The following TMEM45A variants were observed in gnomAD, a reference collection of about 807,000 sequenced individuals.
The protein encoded by TMEM45A is DNA polymerase-transactivated protein 4.
Under a neutral mutation model 32.0 loss-of-function variants are expected in TMEM45A, and 25 were observed. The observed-to-expected ratio is 0.78, with a 90% CI of 0.57 to 1.09. The LOEUF is 1.09. TMEM45A is among the 50% of genes least tolerant of loss of function. TMEM45A has a pLI of 0.00. For missense variants in TMEM45A, 302 were observed against 325.0 expected, an observed-to-expected ratio of 0.93 and a Z score of 0.54; for synonymous variants, 122 against 114.8, an observed-to-expected ratio of 1.06 and a Z score of -0.40.
intron 1 of TMEM45A, among the ~76,000 whole-genome samples, chr3:100,501,917 C>T (rs1708012809): frequency 6.6e-6 from 1 of 152,090 alleles, no homozygotes; most frequent in African/African-American, 2.4e-5. Context: ...AATTACATTT[C>T]AGTAAAAAAA....
chr3:100,547,657 A>G (rs959087488), intron 1 of TMEM45A, among the ~76,000 whole-genome samples: 2 of 152,046 alleles, frequency 1.3e-5, no homozygotes, highest in Admixed American at 6.6e-5. Flanking sequence ...ACCCATGTAT[A>G]AGTGAACCAA....
At chr3:100,535,440 C>G (rs1043461990) in intron 1 of TMEM45A, among the ~76,000 whole-genome samples, 1 of 152,110 alleles carries the variant, frequency 6.6e-6, no homozygotes, top group Non-Finnish European at 1.5e-5. Flanking sequence ...GTTGGCTTTT[C>G]CCCTCCACTC....
rs7431025 is a variant in TMEM45A at position 100,507,191 on chromosome 3, C to T, written c.-4+14263C>T. 1.1e-3 allele frequency among the ~76,000 whole-genome samples: 173 copies of T among 152,322 alleles called. 2 individuals are homozygous for T. In the East Asian group the frequency reaches 0.03, roughly 26 times the overall value. On this transcript the variant is annotated intron_variant, in intron 1 of 5. Transcript: ENST00000323523. ...TTCTCTCCCATGCCCCAAATTCAAC[C>T]TGACACTCTGTCATTAGGATGTCCC...
chr3:100,555,157 A>G, intron 1 of TMEM45A, 52 bp from the exon 2 acceptor site: 1 of 1,481,500 alleles, frequency 6.7e-7, no homozygotes, highest in Non-Finnish European at 9.2e-7. Flanking sequence ...TGTTTTGTCC[A>G]GATTCTGGCA....
intron 1 of TMEM45A, among the ~76,000 whole-genome samples, chr3:100,543,006 A>G (rs758784512): frequency 4.6e-5 from 7 of 152,200 alleles, no homozygotes; most frequent in Non-Finnish European, 1.0e-4. Context: ...CCCAGGTAAC[A>G]AAGCTCCACA....
At chr3:100,532,511 A>T (rs977796230) in intron 1 of TMEM45A, among the ~76,000 whole-genome samples, 1 of 152,248 alleles carries the variant, frequency 6.6e-6, no homozygotes, top group African/African-American at 2.4e-5. Context: ...CCATTCGTTG[A>T]GTAACCTGAG....
intron 1 of TMEM45A, among the ~76,000 whole-genome samples, chr3:100,502,084 A>G (rs1367758086): frequency 6.6e-6 from 1 of 152,012 alleles, no homozygotes; most frequent in East Asian, 1.9e-4. Context: ...ATTATTAACT[A>G]CTCTCATAAA....
chr3:100,577,015 G>A lies in TMEM45A; in HGVS notation c.825G>A (p.Met275Ile). 1 of 1,611,816 alleles carries A rather than the reference G, an allele frequency of 6.2e-7. No homozygotes were observed. Among genetic ancestry groups the A allele is most frequent in the East Asian group, 2.2e-5 (1 of 44,810 alleles). ...GAGAACAAGAATCAGAAGAAGAAAT[G>A]TGACTTTGATGAGCTTCCAGTTTTT... Reference protein sequence around the residue: ...AEREQESEEEM With the variant: ...AEREQESEEEI The change falls in exon 6 of 6, where the codon ATG becomes ATA. Residue 275 changes from methionine (M) to isoleucine (I), a missense_variant. Coordinates refer to ENST00000323523, the MANE Select transcript of TMEM45A (RefSeq NM_018004.3).
intron 4 of TMEM45A, among the ~76,000 whole-genome samples, chr3:100,559,994 C>T (rs1025386184): frequency 5.3e-5 from 8 of 152,100 alleles, no homozygotes; most frequent in East Asian, 1.9e-4. Flanking sequence ...CCAGAGCAGA[C>T]GGTGATGGTT....
intron 1 of TMEM45A, among the ~76,000 whole-genome samples, chr3:100,532,782 T>G (rs1358673770): frequency 6.6e-6 from 1 of 152,230 alleles, no homozygotes; most frequent in African/African-American, 2.4e-5. Context: ...CTGTTTGACC[T>G]GGGCAAGTTT....
chr3:100,569,068 T>C, intron 5 of TMEM45A, 101 bp downstream of exon 5: 1 of 1,229,568 alleles, frequency 8.1e-7, no homozygotes, highest in Non-Finnish European at 1.1e-6. Context: ...ATTTCATTCC[T>C]TATCATCCCA....
rs1298870605 is a variant in TMEM45A at position 100,543,851 on chromosome 3, C to T, written c.-3-11358C>T. ...TAGGGCCAAGGATGGGTATGAATCC[C>T]GGTTCCGTTACTTATCACCAGCACA... is the stretch of plus-strand genomic sequence containing the variant. On this transcript the variant is annotated intron_variant, in intron 1 of 5. Transcript: ENST00000323523. 2.6e-5 allele frequency among the ~76,000 whole-genome samples: 4 copies of T among 152,144 alleles called. No individual in the cohort carries two copies. In the South Asian group the frequency reaches 6.2e-4, roughly 24 times the overall value.
chr3:100,542,002 G>A (rs368089074), intron 1 of TMEM45A, among the ~76,000 whole-genome samples: 46 of 152,140 alleles, frequency 3.0e-4, no homozygotes, highest in African/African-American at 8.4e-4. Flanking sequence ...TTGTTCCATC[G>A]GTCTATGTGT....
intron 4 of TMEM45A, among the ~76,000 whole-genome samples, chr3:100,563,061 C>A (rs555167813): frequency 2.6e-5 from 4 of 152,324 alleles, no homozygotes; most frequent in African/African-American, 9.6e-5. Context: ...GACCAGAAAT[C>A]TGAAATCAAG....
rs149548630 is a variant in TMEM45A, at chr3:100,550,307, A to G, written c.-3-4902A>G. ...CTTTAAGAAGACTCATTCAAAACCAATGAAATTTGCAGGAGAAAGTGCTGG... is the reference window on the plus strand; with the variant it reads ...CTTTAAGAAGACTCATTCAAAACCAGTGAAATTTGCAGGAGAAAGTGCTGG... On this transcript the variant is annotated intron_variant, in intron 1 of 5. Coordinates refer to ENST00000323523, the MANE Select transcript of TMEM45A (RefSeq NM_018004.3). 1.2e-4 allele frequency among the ~76,000 whole-genome samples: 18 copies of G among 152,314 alleles called. No homozygotes were observed. In the East Asian group the frequency reaches 1.9e-3, roughly 16 times the overall value.
intron 5 of TMEM45A, among the ~76,000 whole-genome samples, chr3:100,574,930 T>C (rs1260958155): frequency 6.6e-6 from 1 of 152,218 alleles, no homozygotes; most frequent in Non-Finnish European, 1.5e-5. Flanking sequence ...TATTTTGATA[T>C]AAACTTAAGC....
At chr3:100,510,814 T>C (rs1363889671) in intron 1 of TMEM45A, among the ~76,000 whole-genome samples, 1 of 152,142 alleles carries the variant, frequency 6.6e-6, no homozygotes, top group Non-Finnish European at 1.5e-5. Flanking sequence ...GCTCGAGAAC[T>C]ACGTGAAGAA....
intron 5 of TMEM45A, among the ~76,000 whole-genome samples, chr3:100,569,441 C>T (rs1440921669): frequency 6.6e-6 from 1 of 152,138 alleles, no homozygotes; most frequent in Admixed American, 6.6e-5. Context: ...AAAGTCAGAT[C>T]CAGTTGAATA....
At chr3:100,504,534 C>T (rs564077255) in intron 1 of TMEM45A, among the ~76,000 whole-genome samples, 2 of 152,318 alleles carry the variant, frequency 1.3e-5, no homozygotes, top group East Asian at 1.9e-4. Flanking sequence ...CAGTAGCTTC[C>T]TATTGCATTT....
Sources: gnomAD v4.1 joint callset for allele counts (sites outside exome capture counted in the v4.1 genomes callset) on GRCh38, gnomAD v4.1.1 for gene constraint, MANE v1.5 for transcripts, NCBI Gene and HGNC (gene_info 2026-07-23, HGNC 2026-07-21) for gene names.